APAF1: variants seen among roughly 807,000 people sequenced by gnomAD.
APAF1 encodes the protein apoptotic protease-activating factor 1.
APAF1 carries 91 observed loss-of-function variants against 152.4 expected under a neutral mutation model. The ratio of observed to expected loss-of-function variants is 0.60; its 90% CI spans 0.50 to 0.71. APAF1 has a LOEUF of 0.71. Ranked by LOEUF, APAF1 falls within the 30% of genes least tolerant of loss-of-function variation. APAF1 has a pLI of 0.00. For missense variants in APAF1, 1,283 were observed against 1,472.0 expected (o/e 0.87, Z 2.10); for synonymous variants, 484 against 494.1 (o/e 0.98, Z 0.27).
intron 13 of APAF1, among the ~76,000 whole-genome samples, chr12:98,678,578 C>T (rs2097688974): frequency 6.6e-6 from 1 of 152,228 alleles, no homozygotes; most frequent in Admixed American, 6.5e-5. Context: ...CTCCACAGAG[C>T]AGGCAGGACC....
At chr12:98,672,153 TTTTA>T (rs72354759) in intron 12 of APAF1, among the ~76,000 whole-genome samples, 54,951 of 150,318 alleles carry the variant, frequency 0.37, 10,333 homozygotes, top group African/African-American at 0.47. Context: ...TCCATGAAGA[TTTTA>T]TTTATTTATT....
chr12:98,727,226 A>G lies in APAF1; in HGVS notation c.3510A>G (p.Glu1170=). 1 of 1,614,192 alleles carries G rather than the reference A, an allele frequency of 6.2e-7. No homozygotes were observed. The highest frequency in any genetic ancestry group is 8.5e-7 in the Non-Finnish European group (1 of 1,179,992). The change falls in exon 26 of 27, where the codon GAA becomes GAG. Residue 1170 remains glutamate, a synonymous_variant. Coordinates refer to ENST00000551964, the MANE Select transcript of APAF1 (RefSeq NM_181861.2). ...ELLHLCAPLS[E]EGAATHGGWV... is the part of the protein sequence containing the mutation. The stretch of plus-strand genomic sequence containing the variant: ...TTCATTTGTGTGCTCCGCTTTCAGA[A>G]GAAGGAGCTGCTACCCATGGAGGCT...
chr12:98,648,458 A>AT lies in APAF1; in HGVS notation c.104dup (p.Leu35PhefsTer12), dbSNP rs1565850856. 1 of 1,613,924 alleles carries AT rather than the reference A, an allele frequency of 6.2e-7. No homozygotes were observed. The highest frequency in any genetic ancestry group is 1.3e-5 in the African/African-American group (1 of 74,936). On this transcript the variant is annotated frameshift_variant, in exon 2 of 27. Coordinates refer to ENST00000551964, the MANE Select transcript of APAF1 (RefSeq NM_181861.2). LOFTEE classifies it high-confidence loss of function. ...TCATGGATCACATGATTAGTGATGG[A>AT]TTTTTAACAATATCAGAAGAGGAAA...
chr12:98,721,169 GCAA>G lies in APAF1; in HGVS notation c.3085-2005_3085-2003del, dbSNP rs562117411. Among the ~76,000 whole-genome samples, 52 of 152,008 alleles carry G rather than the reference GCAA, an allele frequency of 3.4e-4. No homozygotes were observed. In the South Asian group the frequency reaches 7.3e-3, roughly 21 times the overall value. ...TTCAATTAGCACAGTGTGTTTCCGT[GCAA>G]CAACAACAACAACAACAAATCACTC... On this transcript the variant is annotated intron_variant, in intron 22 of 26. Coordinates refer to ENST00000551964, the MANE Select transcript of APAF1 (RefSeq NM_181861.2).
At chr12:98,651,328 T>C (rs1160578588) in intron 4 of APAF1, among the ~76,000 whole-genome samples, 2 of 152,258 alleles carry the variant, frequency 1.3e-5, no homozygotes, top group Non-Finnish European at 2.9e-5. Context: ...ATGTATGTTC[T>C]TTGTAAATGT....
chr12:98,648,960 A>G, intron 3 of APAF1, 145 bp downstream of exon 3: 1 of 879,942 alleles, frequency 1.1e-6, no homozygotes, highest in South Asian at 1.4e-5. Context: ...TTCAATTTAA[A>G]TATTTTTTAT....
At chr12:98,671,783 G>A (rs2097680493) in intron 12 of APAF1, 64 bp downstream of exon 12, 18 of 1,483,062 alleles carry the variant, frequency 1.2e-5, no homozygotes, top group Non-Finnish European at 1.6e-5. Context: ...TTTTTCAGGT[G>A]GTGAATACGA....
chr12:98,684,768 G>A (rs897344630), intron 15 of APAF1, among the ~76,000 whole-genome samples: 3 of 151,914 alleles, frequency 2.0e-5, no homozygotes, highest in African/African-American at 7.3e-5. Flanking sequence ...TACTATTTAC[G>A]ACTAATTTTT....
intron 15 of APAF1, among the ~76,000 whole-genome samples, chr12:98,685,785 G>A (rs2097697399): frequency 6.6e-6 from 1 of 152,092 alleles, no homozygotes; most frequent in African/African-American, 2.4e-5. Context: ...ACAGGCATGG[G>A]CCACCACTCC....
intron 16 of APAF1, among the ~76,000 whole-genome samples, chr12:98,691,185 G>T (rs2097703795): frequency 6.6e-6 from 1 of 152,046 alleles, no homozygotes; most frequent in Non-Finnish European, 1.5e-5. Context: ...CAAGCCTGGG[G>T]GAAGAGCGAG....
chr12:98,677,418 T>A lies in APAF1; in HGVS notation c.1794-7T>A. Reference sequence around the variant, plus strand: ...TTAATTTCTGTTCATTTTTTCCCTGTATTTAGAAACAAAAAAAACATCACG... The same window carrying A: ...TTAATTTCTGTTCATTTTTTCCCTGAATTTAGAAACAAAAAAAACATCACG... On this transcript the variant is annotated splice_region_variant and splice_polypyrimidine_tract_variant and intron_variant, in intron 12 of 26. Coordinates refer to ENST00000551964, the MANE Select transcript of APAF1 (RefSeq NM_181861.2). The A allele has an allele frequency of 6.2e-7, 1 of 1,614,000 alleles. No homozygotes were observed. Among genetic ancestry groups the A allele is most frequent in the Non-Finnish European group, 8.5e-7 (1 of 1,179,916 alleles).
At chr12:98,707,664 T>C (rs1298945019) in intron 19 of APAF1, among the ~76,000 whole-genome samples, 4 of 145,980 alleles carry the variant, frequency 2.7e-5, no homozygotes, top group Non-Finnish European at 6.0e-5. Context: ...ATTCAGTGCT[T>C]ACTATATTCA....
intron 13 of APAF1, among the ~76,000 whole-genome samples, chr12:98,679,852 C>T (rs888852163): frequency 1.3e-5 from 2 of 152,262 alleles, no homozygotes; most frequent in Admixed American, 6.5e-5. Flanking sequence ...GGCTGGACCC[C>T]ACGCTCACTC....
intron 5 of APAF1, among the ~76,000 whole-genome samples, chr12:98,659,752 GAAAAAA>G (rs34536171): frequency 1.1e-5 from 1 of 89,920 alleles, no homozygotes; most frequent in African/African-American, 4.4e-5. Context: ...AACTCCATCA[GAAAAAA>G]AAAAAAAAAA....
At position 98,647,796 on chromosome 12, in the gene APAF1, A is replaced by G. The variant is rs866217732; in HGVS notation, c.-41-523A>G. On this transcript the variant is annotated intron_variant, in intron 1 of 26. Transcript: ENST00000551964. ...ATGTGTCATAATTTTGAATGGCTGC[A>G]TAATATTCCATTTTATATACATACC... Among the ~76,000 whole-genome samples, 23 of 149,852 alleles carry G rather than the reference A, an allele frequency of 1.5e-4. 1 individual carries two copies. The Middle Eastern group carries it at 0.017, about 112-fold the overall frequency.
intron 18 of APAF1, among the ~76,000 whole-genome samples, chr12:98,704,873 G>A (rs1230159175): frequency 1.3e-5 from 2 of 152,064 alleles, no homozygotes; most frequent in East Asian, 1.9e-4. Flanking sequence ...TCCACCTCCC[G>A]GGTTCAAGCT....
intron 23 of APAF1, 122 bp downstream of exon 23, chr12:98,723,434 G>A: frequency 2.5e-6 from 3 of 1,183,944 alleles, no homozygotes; most frequent in Admixed American, 2.1e-5. Context: ...TTTTTCTCAT[G>A]CTTGTTTTCT....
Position 98,645,700 on chromosome 12 carries a change from G to A in APAF1, c.-177G>A, listed in dbSNP as rs1475773215. The stretch of plus-strand genomic sequence containing the variant: ...GGACCTGCCCCGGGGCGAAGGGTAT[G>A]TGGCGAGACAGAGCCCTGCACCCCT... On this transcript the variant is annotated 5_prime_UTR_variant, in exon 1 of 27. In the 5' UTR this introduces an upstream ATG that the reference lacks. Transcript: ENST00000551964. 6.6e-6 allele frequency: 1 copy of A among 152,374 alleles called. No individual in the cohort carries two copies. Among genetic ancestry groups the A allele is most frequent in the African/African-American group, 2.4e-5 (1 of 41,466 alleles). 9.4% of individuals were successfully genotyped at this position (152,374 alleles called of 1,614,324 possible).
intron 5 of APAF1, among the ~76,000 whole-genome samples, chr12:98,661,257 T>C (rs2097664892): frequency 1.3e-5 from 2 of 152,160 alleles, no homozygotes; most frequent in African/African-American, 4.8e-5. Context: ...TCACTAACCC[T>C]TCCCTCTTTA....
Sources: gnomAD v4.1 joint callset for allele counts (sites outside exome capture counted in the v4.1 genomes callset) on GRCh38, gnomAD v4.1.1 for gene constraint, MANE v1.5 for transcripts, NCBI Gene and HGNC (gene_info 2026-07-23, HGNC 2026-07-21) for gene names.